PRKN: variants seen among roughly 807,000 people sequenced by gnomAD.
PRKN encodes parkin RBR E3 ubiquitin protein ligase.
In PRKN, 56 loss-of-function variants were observed where a neutral mutation model predicts 59.5. The ratio of observed to expected loss-of-function variants is 0.94; its 90% CI spans 0.76 to 1.18. PRKN has a LOEUF of 1.18. Ranked by LOEUF, PRKN falls within the 50% of genes most tolerant of loss-of-function variation. The pLI is 0.00. For synonymous variants in PRKN, 250 were observed against 222.1 expected (o/e 1.13, Z -1.12); for missense variants, 657 against 596.4 (o/e 1.10, Z -1.06).
chr6:161,549,088 C>G lies in PRKN; in HGVS notation c.934-85G>C. 6.8e-7 allele frequency: 1 copy of G among 1,472,806 alleles called. No homozygotes were observed. The highest frequency in any genetic ancestry group is 9.5e-7 in the Non-Finnish European group (1 of 1,055,004). The allele number at this position is 1,472,806 out of a possible 1,614,324, so 91.2% of individuals were successfully genotyped here. On this transcript the variant is annotated intron_variant, in intron 8 of 11. Coordinates refer to ENST00000366898, the MANE Select transcript of PRKN (RefSeq NM_004562.3). This position sits in a 1 kb window ranked among gnomAD's most constrained non-coding sequence, Gnocchi z 6.0. The stretch of plus-strand genomic sequence containing the variant: ...TTAGGAGCTACAGTGCATGGGATTT[C>G]TTGCTTAACCAGTTTCAGTAAAATA...
At chr6:162,166,099 G>A (rs1782978239) in intron 4 of PRKN, among the ~76,000 whole-genome samples, 1 of 150,072 alleles carries the variant, frequency 6.7e-6, no homozygotes, top group Non-Finnish European at 1.5e-5. Context: ...GTTTAAAAGT[G>A]GTTTACACAA....
chr6:162,616,295 C>A (rs181450862), intron 1 of PRKN, among the ~76,000 whole-genome samples: 1 of 152,004 alleles, frequency 6.6e-6, no homozygotes, highest in African/African-American at 2.4e-5. Context: ...AGGGAGCTTG[C>A]CTACTTTATT....
At chr6:161,536,495 T>G (rs953228264) in intron 9 of PRKN, among the ~76,000 whole-genome samples, 25 of 151,874 alleles carry the variant, frequency 1.6e-4, no homozygotes, top group African/African-American at 6.0e-4. Flanking sequence ...GACATTTTAG[T>G]GTACAGTCTG....
chr6:162,298,172 A>G (rs1022802160), intron 2 of PRKN, among the ~76,000 whole-genome samples: 21 of 128,570 alleles, frequency 1.6e-4, no homozygotes, highest in African/African-American at 6.7e-4. Flanking sequence ...GACGGAGGGG[A>G]GAGAGAGAGA....
chr6:162,474,918 T>C lies in PRKN; in HGVS notation c.8-31445A>G, dbSNP rs139812952. Reference sequence around the variant, plus strand: ...GGAAAAAGATGAAGAGACAAAAACATGCTGACACTGTCATTATTTCTACAA... The same window carrying C: ...GGAAAAAGATGAAGAGACAAAAACACGCTGACACTGTCATTATTTCTACAA... On this transcript the variant is annotated intron_variant, in intron 1 of 11. Coordinates refer to ENST00000366898, the MANE Select transcript of PRKN (RefSeq NM_004562.3). 6.4e-4 allele frequency among the ~76,000 whole-genome samples: 98 copies of C among 152,284 alleles called. No homozygotes were observed. The East Asian group carries it at 0.017, about 26-fold the overall frequency.
At chr6:162,035,902 A>G (rs1783819022) in intron 5 of PRKN, among the ~76,000 whole-genome samples, 1 of 152,258 alleles carries the variant, frequency 6.6e-6, no homozygotes, top group East Asian at 1.9e-4. Context: ...ACACTAAAAT[A>G]AAATCTGTAT....
At chr6:161,787,007 C>A (rs1362456872) in intron 6 of PRKN, among the ~76,000 whole-genome samples, 7 of 152,022 alleles carry the variant, frequency 4.6e-5, no homozygotes, top group African/African-American at 1.7e-4. Flanking sequence ...AATTTGAAAT[C>A]AGCCCCAAGG....
rs554284510 is a variant in PRKN, at chr6:161,592,654, A to C, written c.872-23238T>G. Reference sequence around the variant, plus strand: ...CCCTAAGGGCTATGGAGAAAGATGAAGCAGGGAAACTGTTGGAGGGAGAGG... The same window carrying C: ...CCCTAAGGGCTATGGAGAAAGATGACGCAGGGAAACTGTTGGAGGGAGAGG... On this transcript the variant is annotated intron_variant, in intron 7 of 11. Coordinates refer to ENST00000366898, the MANE Select transcript of PRKN (RefSeq NM_004562.3). The surrounding 1 kb of genome is among the most constrained non-coding windows in gnomAD (Gnocchi z 4.8). Among the ~76,000 whole-genome samples the C allele has an allele frequency of 6.6e-6, 1 of 152,162 alleles. No individual in the cohort carries two copies. The highest frequency in any genetic ancestry group is 1.5e-5 in the Non-Finnish European group (1 of 68,026).
intron 1 of PRKN, among the ~76,000 whole-genome samples, chr6:162,643,423 A>AGAAC (rs1778044254): frequency 6.6e-6 from 1 of 151,066 alleles, no homozygotes. Context: ...AAAGAAAGAA[A>AGAAC]GAACAACAAG....
In PRKN at chr6:161,348,520, C is replaced by T. The variant is rs1382076389; in HGVS notation, c.*1579G>A. 1.4e-5 allele frequency: 3 copies of T among 209,400 alleles called. No homozygotes were observed. The highest frequency in any genetic ancestry group is 2.3e-5 in the African/African-American group (1 of 43,880). 13.0% of individuals were successfully genotyped at this position (209,400 alleles called of 1,614,324 possible). On this transcript the variant is annotated 3_prime_UTR_variant, in exon 12 of 12. Coordinates refer to ENST00000366898, the MANE Select transcript of PRKN (RefSeq NM_004562.3). The surrounding 1 kb of genome is among the most constrained non-coding windows in gnomAD (Gnocchi z 4.9). ...CCCCGGTGCAGGGCCTCTGAGACGA[C>T]GGGACTGTCCTCAGATGGTTGGAAG... is the stretch of plus-strand genomic sequence containing the variant.
At chr6:162,556,698 G>C (rs1478663624) in intron 1 of PRKN, among the ~76,000 whole-genome samples, 1 of 135,544 alleles carries the variant, frequency 7.4e-6, no homozygotes, top group African/African-American at 2.8e-5. Context: ...TGTGAGCCGA[G>C]ATTGCACCAC....
chr6:161,586,573 A>C (rs1195792204), intron 7 of PRKN, among the ~76,000 whole-genome samples: 1 of 152,076 alleles, frequency 6.6e-6, no homozygotes, highest in Non-Finnish European at 1.5e-5. Flanking sequence ...TCTGTCTTTG[A>C]TTTTTGTTCT....
rs141207304 is a variant in PRKN, at chr6:161,522,048, C to T, written c.1083+26806G>A. Among the ~76,000 whole-genome samples the T allele has an allele frequency of 6.6e-4, 101 of 152,104 alleles. 3 individuals are homozygous for T. In the East Asian group the frequency reaches 0.012, roughly 18 times the overall value. ...GGAGGGGTGGCAGAACGGATGTGGA[C>T]GGCGAATATTGATGCGGTGTGTGTG... is the stretch of plus-strand genomic sequence containing the variant. On this transcript the variant is annotated intron_variant, in intron 9 of 11. Coordinates refer to ENST00000366898, the MANE Select transcript of PRKN (RefSeq NM_004562.3).
chr6:162,228,978 G>T (rs1427253346), intron 3 of PRKN, among the ~76,000 whole-genome samples: 2 of 152,144 alleles, frequency 1.3e-5, no homozygotes, highest in East Asian at 3.8e-4. Context: ...ACCTCTAAAT[G>T]ATGGAAGGTA....
At chr6:162,527,176 G>C (rs34505509) in intron 1 of PRKN, among the ~76,000 whole-genome samples, 1 of 152,136 alleles carries the variant, frequency 6.6e-6, no homozygotes, top group Non-Finnish European at 1.5e-5. Flanking sequence ...CTTTGCTTCA[G>C]AGGGCAGTTT....
intron 1 of PRKN, among the ~76,000 whole-genome samples, chr6:162,645,277 G>A (rs755702132): frequency 6.6e-6 from 1 of 152,114 alleles, no homozygotes; most frequent in Non-Finnish European, 1.5e-5. Context: ...AAGAAATATT[G>A]TAACTATTGC....
intron 5 of PRKN, among the ~76,000 whole-genome samples, chr6:162,008,945 T>C (rs866923868): frequency 9.2e-5 from 14 of 151,802 alleles, no homozygotes; most frequent in Middle Eastern, 3.2e-3. Flanking sequence ...ATAAACTATG[T>C]AAAAAGGATC....
intron 7 of PRKN, among the ~76,000 whole-genome samples, chr6:161,708,687 T>C (rs902822600): frequency 1.3e-5 from 2 of 152,200 alleles, no homozygotes; most frequent in East Asian, 1.9e-4. Flanking sequence ...GATTATCTCA[T>C]ATATCATTAG....
chr6:161,926,940 C>T lies in PRKN; in HGVS notation c.734+46362G>A, dbSNP rs1778990438. 3.3e-5 allele frequency among the ~76,000 whole-genome samples: 5 copies of T among 152,124 alleles called. No homozygotes were observed. The South Asian group carries it at 1.0e-3, about 31-fold the overall frequency. On this transcript the variant is annotated intron_variant, in intron 6 of 11. Transcript: ENST00000366898. The stretch of plus-strand genomic sequence containing the variant: ...GAGAAAATCCCTCTAAATTTTGCTT[C>T]TCCTTTTTAAAAGACAATAAGTTAC...
Sources: gnomAD v4.1 joint callset for allele counts (sites outside exome capture counted in the v4.1 genomes callset) on GRCh38, gnomAD v4.1.1 for gene constraint, Gnocchi (gnomAD v3.1) non-coding constraint, MANE v1.5 for transcripts, NCBI Gene and HGNC (gene_info 2026-07-23, HGNC 2026-07-21) for gene names.